Variants in FAM76A observed in about 807,000 individuals in gnomAD.
FAM76A encodes the protein protein FAM76A.
Under a neutral mutation model 46.2 loss-of-function variants are expected in FAM76A, and 32 were observed. The ratio of observed to expected loss-of-function variants is 0.69; its 90% confidence interval spans 0.52 to 0.93. FAM76A has a LOEUF of 0.93. Among genes scored for constraint, FAM76A ranks in the 40% least tolerant of loss-of-function variants. The pLI is 0.00. For synonymous variants in FAM76A, 137 were observed against 127.0 expected (o/e 1.08, Z -0.53); for missense variants, 274 against 361.5 (o/e 0.76, Z 1.96).
intron 4 of FAM76A, chr1:27,740,178 TG>T (rs2088128018): frequency 1.8e-6 from 1 of 555,532 alleles, no homozygotes; most frequent in East Asian, 3.8e-5. Flanking sequence ...GCTGGAACAG[TG>T]GGTAAAATCA....
intron 1 of FAM76A, among the ~76,000 whole-genome samples, chr1:27,726,913 A>C (rs1178445959): frequency 6.6e-6 from 1 of 152,168 alleles, no homozygotes; most frequent in Non-Finnish European, 1.5e-5. Context: ...AACTGGCTGA[A>C]GAATAATGTT....
Sources: gnomAD v4.1 joint callset for allele counts (sites outside exome capture counted in the v4.1 genomes callset) on GRCh38, gnomAD v4.1.1 for gene constraint, MANE v1.5 for transcripts, NCBI Gene and HGNC (gene_info 2026-07-23, HGNC 2026-07-21) for gene names.